Variants in TCF20 observed in about 807,000 individuals in gnomAD.
TCF20 encodes transcription factor 20, also known as SPRE-binding protein.
In TCF20, 3 loss-of-function variants were observed where a neutral mutation model predicts 148.6. The ratio of observed to expected loss-of-function variants is 0.02; its 90% CI spans 0.01 to 0.05. The LOEUF (loss-of-function observed/expected upper bound fraction) is 0.05. TCF20 is among the 10% of genes least tolerant of loss of function. The pLI is 1.00. For synonymous variants in TCF20, 1,049 were observed against 909.5 expected, an observed-to-expected ratio of 1.15 and a Z score of -2.76; for missense variants, 2,350 against 2,429.3, an observed-to-expected ratio of 0.97 and a Z score of 0.69.
Position 42,209,987 on chromosome 22 carries a change from C to T in TCF20, c.5319G>A (p.Gln1773=). 1 of 1,613,104 alleles carries T rather than the reference C, an allele frequency of 6.2e-7. No individual in the cohort carries two copies. Among genetic ancestry groups the T allele is most frequent in the East Asian group, 2.2e-5 (1 of 44,886 alleles). ...CGGCCAGGCTTCTCTGCTCCTTCTG[C>T]TGCTGCTGCTGCTCTTCCTCCTCCT... ...DTEEEEEQQQ[Q]QKEQRSLAAH... is the part of the protein sequence containing the mutation. Residue 1773 remains glutamine (Q), a synonymous_variant, in exon 2 of 6, where the codon CAG becomes CAA. Transcript: ENST00000677622.
intron 1 of TCF20, among the ~76,000 whole-genome samples, chr22:42,222,661 T>G (rs980463612): frequency 1.3e-5 from 2 of 152,128 alleles, no homozygotes; most frequent in East Asian, 3.9e-4. Context: ...TCTTGCCACA[T>G]GAGATCATAT....
chr22:42,180,011 C>T (rs1369917367), intron 2 of TCF20, among the ~76,000 whole-genome samples: 2 of 152,100 alleles, frequency 1.3e-5, no homozygotes, highest in African/African-American at 4.8e-5. Flanking sequence ...TCTGGTACCC[C>T]CGCCATCCAC....
At chr22:42,219,190 C>T (rs867305812) in intron 1 of TCF20, among the ~76,000 whole-genome samples, 10 of 151,116 alleles carry the variant, frequency 6.6e-5, no homozygotes, top group Admixed American at 1.3e-4. Context: ...TCAAGACCAG[C>T]CTGGGTTAAA....
intron 3 of TCF20, among the ~76,000 whole-genome samples, chr22:42,174,710 C>G (rs1245743159): frequency 6.6e-6 from 1 of 151,870 alleles, no homozygotes; most frequent in Admixed American, 6.6e-5. Context: ...GAGACCCTGT[C>G]TCAAAAAAAA....
chr22:42,257,114 T>G (rs1053481301), intron 1 of TCF20, among the ~76,000 whole-genome samples: 1 of 152,186 alleles, frequency 6.6e-6, no homozygotes, highest in Non-Finnish European at 1.5e-5. Context: ...GCGCCATGAC[T>G]GTATCACCAC....
chr22:42,171,933 A>C (rs888407785), intron 3 of TCF20, among the ~76,000 whole-genome samples: 3 of 152,250 alleles, frequency 2.0e-5, no homozygotes, highest in African/African-American at 7.2e-5. Context: ...CCTCACGGCC[A>C]CAGAACAGTG....
chr22:42,340,893 C>G (rs937992008), intron 1 of TCF20, among the ~76,000 whole-genome samples: 1 of 139,258 alleles, frequency 7.2e-6, no homozygotes, highest in Non-Finnish European at 1.6e-5. Context: ...GCCCCCCCCC[C>G]CACCCCAACC....
At chr22:42,270,199 G>C (rs1023351679) in intron 1 of TCF20, among the ~76,000 whole-genome samples, 140 bp downstream of exon 1, 2 of 151,908 alleles carry the variant, frequency 1.3e-5, no homozygotes, top group African/African-American at 4.8e-5. Flanking sequence ...GCCCTGACTC[G>C]GAGTCCAGGA....
intron 1 of TCF20, among the ~76,000 whole-genome samples, chr22:42,296,307 T>C (rs943080490): frequency 2.0e-5 from 3 of 152,208 alleles, no homozygotes; most frequent in Admixed American, 6.5e-5. Context: ...ACTGGCTCAG[T>C]GTCTGACCCT....
At position 42,210,045 on chromosome 22, in the gene TCF20, T is replaced by C; in HGVS notation, c.5261A>G (p.Lys1754Arg). 1 of 1,613,142 alleles carries C rather than the reference T, an allele frequency of 6.2e-7. No individual in the cohort carries two copies. Among genetic ancestry groups the C allele is most frequent in the Non-Finnish European group, 8.5e-7 (1 of 1,180,024 alleles). The stretch of plus-strand genomic sequence containing the variant: ...CGTCTTGGAGCCATTAGAAGCACTT[T>C]TGTGCCGTACCTTAACTTTGCTCTG... ...EMQSKVKVRHKSASNGSKTDT... is the reference protein window; with the variant it reads ...EMQSKVKVRHRSASNGSKTDT... The change falls in exon 2 of 6, where the codon AAA becomes AGA. Residue 1754 changes from lysine (K) to arginine (R), a missense_variant. By Grantham distance (26) the Lys-to-Arg change is conservative. Around this residue, in one of 7 missense-constraint regions of TCF20, gnomAD observed 374 missense variants for 398.3 expected, o/e 0.94. Transcript: ENST00000677622. This position sits in a 1 kb window ranked among gnomAD's most constrained non-coding sequence, Gnocchi z 4.7.
chr22:42,224,118 T>C (rs908244973), intron 1 of TCF20, among the ~76,000 whole-genome samples: 65 of 152,220 alleles, frequency 4.3e-4, no homozygotes, highest in African/African-American at 1.4e-3. Flanking sequence ...ATAAAAAATA[T>C]CCACCTTGAA....
chr22:42,327,556 G>C (rs2147055844), intron 1 of TCF20, among the ~76,000 whole-genome samples: 1 of 152,248 alleles, frequency 6.6e-6, no homozygotes, highest in East Asian at 1.9e-4. Context: ...ACCTCGCACA[G>C]ACACTTCACA....
At chr22:42,320,303 C>T (rs1480735128) in intron 1 of TCF20, among the ~76,000 whole-genome samples, 1 of 152,184 alleles carries the variant, frequency 6.6e-6, no homozygotes, top group Non-Finnish European at 1.5e-5. Flanking sequence ...AGGATGGAGC[C>T]GTACAGCCTG....
intron 1 of TCF20, among the ~76,000 whole-genome samples, chr22:42,238,817 A>C (rs1021371760): frequency 6.6e-6 from 1 of 152,212 alleles, no homozygotes; most frequent in Admixed American, 6.5e-5. Flanking sequence ...GCTCCAAAAC[A>C]ATTACAAAAG....
At chr22:42,326,782 G>A (rs1601708117) in intron 1 of TCF20, among the ~76,000 whole-genome samples, 1 of 152,254 alleles carries the variant, frequency 6.6e-6, no homozygotes, top group Non-Finnish European at 1.5e-5. Context: ...CTCCACCAGA[G>A]CAGCATCAAC....
intron 1 of TCF20, among the ~76,000 whole-genome samples, chr22:42,229,747 T>C (rs1050961942): frequency 2.0e-5 from 3 of 152,210 alleles, no homozygotes; most frequent in Admixed American, 6.6e-5. Context: ...TCAAGGCCAT[T>C]TGGCTTCCTC....
chr22:42,262,643 A>G (rs188160752), intron 1 of TCF20, among the ~76,000 whole-genome samples: 2 of 152,130 alleles, frequency 1.3e-5, no homozygotes, highest in East Asian at 3.9e-4. Flanking sequence ...CGAGGGAGAA[A>G]GGACACTGAA....
At chr22:42,304,010 C>A (rs116109849) in intron 1 of TCF20, among the ~76,000 whole-genome samples, 1 of 152,132 alleles carries the variant, frequency 6.6e-6, no homozygotes, top group African/African-American at 2.4e-5. Context: ...TAGCTGTGCC[C>A]GGGAAGGTCT....
intron 1 of TCF20, among the ~76,000 whole-genome samples, chr22:42,303,486 A>G (rs181307542): frequency 6.6e-6 from 1 of 152,296 alleles, no homozygotes; most frequent in East Asian, 1.9e-4. Flanking sequence ...CCTGCACAAC[A>G]CCCCATGGGC....
Sources: allele counts gnomAD v4.1 joint callset (sites outside exome capture counted in the v4.1 genomes callset), GRCh38; gene constraint gnomAD v4.1.1; regional missense constraint gnomAD v4.1.1; non-coding constraint Gnocchi (gnomAD v3.1); transcripts MANE v1.5; gene names NCBI Gene and HGNC (gene_info 2026-07-23, HGNC 2026-07-21).